The following SORBS2 variants were observed in gnomAD, a reference collection of about 807,000 sequenced individuals.
SORBS2 encodes the protein sorbin and SH3 domain-containing protein 2.
SORBS2 carries 46 observed loss-of-function variants against 97.7 expected under a neutral mutation model. The ratio of observed to expected loss-of-function variants is 0.47; its 90% confidence interval spans 0.37 to 0.60. The LOEUF (loss-of-function observed/expected upper bound fraction) is 0.60. SORBS2 is among the 20% of genes least tolerant of loss of function. The pLI is 0.00. For missense variants in SORBS2, 1,316 were observed against 1,282.3 expected (o/e 1.03, Z -0.40); for synonymous variants, 476 against 473.4 (o/e 1.01, Z -0.07).
Position 185,684,998 on chromosome 4 carries a change from C to T in SORBS2, c.-197-6176G>A, listed in dbSNP as rs2153509630. Reference sequence around the variant, plus strand: ...GAATGCACCTGCCAATTTCACACCACCCTCAAACTAAAACAAACAAAACGA... The same window carrying T: ...GAATGCACCTGCCAATTTCACACCATCCTCAAACTAAAACAAACAAAACGA... On this transcript the variant is annotated intron_variant, in intron 2 of 20. Transcript: ENST00000284776. The surrounding 1 kb of genome is among the most constrained non-coding windows in gnomAD (Gnocchi z 4.2). Among the ~76,000 whole-genome samples the T allele has an allele frequency of 6.6e-6, 1 of 152,302 alleles. No homozygotes were observed. The highest frequency in any genetic ancestry group is 6.5e-5 in the Admixed American group (1 of 15,300).
At chr4:185,614,159 G>GTTTTTTTT (rs34929054) in intron 11 of SORBS2, among the ~76,000 whole-genome samples, 38 of 91,604 alleles carry the variant, frequency 4.1e-4, no homozygotes, top group South Asian at 1.3e-3. Context: ...GTTTTTTTGT[G>GTTTTTTTT]TTTTTTTTTT....
chr4:185,644,880 A>G (rs2097182974), intron 4 of SORBS2, among the ~76,000 whole-genome samples: 1 of 152,178 alleles, frequency 6.6e-6, no homozygotes, highest in Non-Finnish European at 1.5e-5. Flanking sequence ...CCCTAAAGGG[A>G]GCAAAGGGAG....
chr4:185,922,971 A>G (rs1452087802), intron 1 of SORBS2, among the ~76,000 whole-genome samples: 3 of 152,298 alleles, frequency 2.0e-5, no homozygotes, highest in East Asian at 3.9e-4. Flanking sequence ...GTTAGATACA[A>G]ACCCTGAACG....
At chr4:185,827,037 C>G (rs1427533587) in intron 1 of SORBS2, among the ~76,000 whole-genome samples, 1 of 149,718 alleles carries the variant, frequency 6.7e-6, no homozygotes, top group Non-Finnish European at 1.5e-5. Context: ...CCATCACCAC[C>G]ATCATCACCA....
intron 2 of SORBS2, among the ~76,000 whole-genome samples, chr4:185,703,189 T>C (rs1479563962): frequency 6.6e-6 from 1 of 152,226 alleles, no homozygotes; most frequent in Non-Finnish European, 1.5e-5. Flanking sequence ...AGCTTCTCAA[T>C]TTTAGAATTT....
chr4:185,868,450 C>G (rs112480312), intron 1 of SORBS2, among the ~76,000 whole-genome samples: 8,897 of 151,384 alleles, frequency 0.059, 357 homozygotes, highest in African/African-American at 0.11. Context: ...GCCACCGTGC[C>G]CAGCCGAAAG....
chr4:185,793,934 C>T (rs2099093077), intron 1 of SORBS2, among the ~76,000 whole-genome samples: 1 of 152,210 alleles, frequency 6.6e-6, no homozygotes, highest in Admixed American at 6.5e-5. Flanking sequence ...GGGCCTTGGT[C>T]CCCGCAGGCT....
chr4:185,828,984 C>T (rs1456339369), intron 1 of SORBS2, among the ~76,000 whole-genome samples: 2 of 152,158 alleles, frequency 1.3e-5, no homozygotes, highest in Non-Finnish European at 1.5e-5. Flanking sequence ...CAACACAGAT[C>T]AGATTTAATC....
At chr4:185,797,591 G>A (rs1172848955) in intron 1 of SORBS2, among the ~76,000 whole-genome samples, 1 of 152,094 alleles carries the variant, frequency 6.6e-6, no homozygotes, top group Non-Finnish European at 1.5e-5. Flanking sequence ...CGGTCATTTT[G>A]CAGTAATCTC....
At chr4:185,630,024 C>A (rs2096881813) in intron 5 of SORBS2, among the ~76,000 whole-genome samples, 1 of 151,944 alleles carries the variant, frequency 6.6e-6, no homozygotes, top group Admixed American at 6.6e-5. Flanking sequence ...AGTTACTAAG[C>A]CTAGGTGTCA....
At chr4:185,679,286 T>C (rs886195420) in intron 2 of SORBS2, among the ~76,000 whole-genome samples, 2 of 152,168 alleles carry the variant, frequency 1.3e-5, no homozygotes, top group African/African-American at 4.8e-5. Context: ...CTTAAGAAAC[T>C]GTAGACCTGT....
intron 1 of SORBS2, among the ~76,000 whole-genome samples, chr4:185,881,275 T>C (rs986941241): frequency 6.6e-6 from 1 of 152,044 alleles, no homozygotes; most frequent in Non-Finnish European, 1.5e-5. Context: ...GAAAGGAGAT[T>C]AAAGAAATGG....
chr4:185,778,679 A>T (rs772042586), intron 1 of SORBS2, among the ~76,000 whole-genome samples: 1 of 152,168 alleles, frequency 6.6e-6, no homozygotes, highest in Admixed American at 6.5e-5. Context: ...ATACGTGAAC[A>T]GCTGATTCCA....
chr4:185,845,791 T>C (rs1420729878), intron 1 of SORBS2, among the ~76,000 whole-genome samples: 1 of 152,126 alleles, frequency 6.6e-6, no homozygotes, highest in African/African-American at 2.4e-5. Flanking sequence ...GAGATGCAGA[T>C]CTAAATATGG....
At chr4:185,915,446 C>A (rs1472024250) in intron 1 of SORBS2, among the ~76,000 whole-genome samples, 2 of 152,190 alleles carry the variant, frequency 1.3e-5, no homozygotes, top group African/African-American at 4.8e-5. Context: ...ATGGAAAAAG[C>A]ATTGTGCTCT....
Position 185,622,898 on chromosome 4 carries a change from A to C in SORBS2, c.2215+16T>G. 1 of 1,565,844 alleles carries C rather than the reference A, an allele frequency of 6.4e-7. No homozygotes were observed. Among genetic ancestry groups the C allele is most frequent in the Non-Finnish European group, 8.7e-7 (1 of 1,155,764 alleles). ...GTCTCTGAACCACAAGGAAAAAGAA[A>C]GAAAAGCTCATCCACCTTGGAGTGC... On this transcript the variant is annotated intron_variant, in intron 7 of 14. Transcript: ENST00000418609.
intron 4 of SORBS2, among the ~76,000 whole-genome samples, chr4:185,662,463 G>A (rs908322662): frequency 1.4e-4 from 22 of 152,192 alleles, no homozygotes; most frequent in African/African-American, 5.3e-4. Flanking sequence ...AGGGTCCAGG[G>A]AGTGGTTAGG....
intron 2 of SORBS2, among the ~76,000 whole-genome samples, chr4:185,736,107 A>G (rs1363079185): frequency 2.6e-5 from 4 of 152,168 alleles, no homozygotes; most frequent in Admixed American, 6.5e-5. Context: ...GCTCAGACAC[A>G]CTCTCCACTG....
intron 4 of SORBS2, 148 bp from the exon 16 acceptor site, chr4:185,635,559 G>A: frequency 1.6e-6 from 1 of 618,358 alleles, no homozygotes; most frequent in Non-Finnish European, 2.9e-6. Flanking sequence ...TGACATGAAT[G>A]GAGCAAAATG....
Sources: gnomAD v4.1 joint callset for allele counts (sites outside exome capture counted in the v4.1 genomes callset) on GRCh38, gnomAD v4.1.1 for gene constraint, Gnocchi (gnomAD v3.1) non-coding constraint, MANE v1.5 for transcripts, NCBI Gene and HGNC (gene_info 2026-07-23, HGNC 2026-07-21) for gene names.